The following TRIO variants were observed in gnomAD, a reference collection of about 807,000 sequenced individuals.
TRIO encodes trio Rho guanine nucleotide exchange factor.
A neutral mutation model predicts 351.9 loss-of-function variants in TRIO; 58 were observed. That is an observed-to-expected ratio of 0.16 (90% CI 0.13 to 0.21). TRIO has a LOEUF of 0.21. Ranked by LOEUF, TRIO falls within the 10% of genes least tolerant of loss-of-function variation. The probability of loss-of-function intolerance (pLI) is 1.00; values close to 1 mark genes in which losing one functional copy is unlikely to be tolerated. For synonymous variants in TRIO, 1,758 were observed against 1,595.7 expected (o/e 1.10, Z -2.42); for missense variants, 3,201 against 4,027.8 (o/e 0.79, Z 5.56).
chr5:14,404,723 G>A (rs999660772), intron 31 of TRIO, among the ~76,000 whole-genome samples: 6 of 152,058 alleles, frequency 3.9e-5, no homozygotes, highest in Admixed American at 6.5e-5. Flanking sequence ...ATGTCACTCC[G>A]GAGAAGAGGG....
chr5:14,292,975 C>T (rs1178221842), intron 5 of TRIO, 37 bp from the exon 6 acceptor site: 1 of 1,613,310 alleles, frequency 6.2e-7, no homozygotes, highest in Non-Finnish European at 8.5e-7. Flanking sequence ...ATTTCTCTTT[C>T]TGGAGTGATT....
chr5:14,262,058 A>C (rs1581473577), intron 1 of TRIO, among the ~76,000 whole-genome samples: 1 of 152,124 alleles, frequency 6.6e-6, no homozygotes, highest in African/African-American at 2.4e-5. Context: ...CGTGTTTGCT[A>C]TCTTGAGGTT....
At chr5:14,501,854 G>C (rs1254572982) in intron 53 of TRIO, among the ~76,000 whole-genome samples, 1 of 152,204 alleles carries the variant, frequency 6.6e-6, no homozygotes, top group East Asian at 1.9e-4. Context: ...TGGAGGCCTA[G>C]AATCACAGTG....
intron 1 of TRIO, 91 bp downstream of exon 1, chr5:14,143,973 G>T: frequency 1.1e-6 from 1 of 939,838 alleles, no homozygotes; most frequent in Non-Finnish European, 1.3e-6. Context: ...GCCACCGCGC[G>T]CTGGTGCCCG....
rs147038480 is a variant in TRIO at position 14,236,311 on chromosome 5, C to T, written c.158-34514C>T. Among the ~76,000 whole-genome samples, 304 of 152,242 alleles carry T rather than the reference C, an allele frequency of 2.0e-3. 2 individuals are homozygous for T. The highest frequency in any genetic ancestry group is 4.8e-3 in the Admixed American group (74 of 15,296). On this transcript the variant is annotated intron_variant, in intron 1 of 56. Coordinates refer to ENST00000344204, the MANE Select transcript of TRIO (RefSeq NM_007118.4). ...TAAAAACATTTTATGAAAAAATTGT[C>T]CTGATTATTAAATCTTAAATGTTCC...
intron 46 of TRIO, among the ~76,000 whole-genome samples, chr5:14,483,144 T>A (rs941133506): frequency 6.6e-6 from 1 of 152,210 alleles, no homozygotes; most frequent in Admixed American, 6.5e-5. Context: ...CTTCTCTTCC[T>A]CCACTCACCA....
At chr5:14,464,042 T>G (rs895267384) in intron 36 of TRIO, among the ~76,000 whole-genome samples, 2 of 152,036 alleles carry the variant, frequency 1.3e-5, no homozygotes, top group Non-Finnish European at 2.9e-5. Context: ...TCCTGGAGTT[T>G]TGTGTGCATC....
intron 6 of TRIO, among the ~76,000 whole-genome samples, chr5:14,294,417 A>G (rs1233844986): frequency 6.6e-6 from 1 of 152,258 alleles, no homozygotes; most frequent in Admixed American, 6.5e-5. Context: ...GGGCATAGAT[A>G]AAAATTTGTT....
chr5:14,298,376 G>A (rs966290049), intron 7 of TRIO, among the ~76,000 whole-genome samples: 1 of 152,162 alleles, frequency 6.6e-6, no homozygotes, highest in Non-Finnish European at 1.5e-5. Flanking sequence ...AAGGGCATAG[G>A]AACTTTTAAC....
At chr5:14,263,523 C>T (rs1296931871) in intron 1 of TRIO, among the ~76,000 whole-genome samples, 1 of 152,088 alleles carries the variant, frequency 6.6e-6, no homozygotes, top group African/African-American at 2.4e-5. Context: ...TGTTAAAATT[C>T]GTGAGCAGAT....
At chr5:14,275,767 T>G (rs886977585) in intron 2 of TRIO, among the ~76,000 whole-genome samples, 1 of 151,012 alleles carries the variant, frequency 6.6e-6, no homozygotes, top group Non-Finnish European at 1.5e-5. Flanking sequence ...AATAGAGTTC[T>G]CATTGCTTTT....
chr5:14,236,616 A>G (rs575480813), intron 1 of TRIO, among the ~76,000 whole-genome samples: 1 of 152,318 alleles, frequency 6.6e-6, no homozygotes, highest in Admixed American at 6.5e-5. Flanking sequence ...CTCATTCAAT[A>G]TATATGTTTT....
chr5:14,291,386 T>G (rs1736887397), intron 5 of TRIO, among the ~76,000 whole-genome samples, 158 bp downstream of exon 5: 1 of 152,122 alleles, frequency 6.6e-6, no homozygotes, highest in South Asian at 2.1e-4. Flanking sequence ...CACTGAAATC[T>G]GTTTTCCGGT....
chr5:14,275,934 G>A (rs933720585), intron 2 of TRIO, among the ~76,000 whole-genome samples: 1 of 145,958 alleles, frequency 6.9e-6, no homozygotes, highest in South Asian at 2.1e-4. Flanking sequence ...TTATATATAT[G>A]TGTGTCTATA....
At chr5:14,240,253 T>C (rs1044779737) in intron 1 of TRIO, among the ~76,000 whole-genome samples, 1 of 152,250 alleles carries the variant, frequency 6.6e-6, no homozygotes, top group Non-Finnish European at 1.5e-5. Flanking sequence ...TATTTTAACA[T>C]AAACTATTTC....
At chr5:14,503,440 G>T (rs1318300704) in intron 54 of TRIO, among the ~76,000 whole-genome samples, 1 of 152,252 alleles carries the variant, frequency 6.6e-6, no homozygotes, top group Non-Finnish European at 1.5e-5. Flanking sequence ...TTCTTCCAGT[G>T]CAGTGGGCAG....
In TRIO at chr5:14,389,668, C is replaced by T. The variant is rs528345269; in HGVS notation, c.4058+270C>T. Reference sequence around the variant, plus strand: ...ATAGGAAGCTTAATTTCTCTGAAGCCGAGCCGTCAGGTGCCCTGTGACTTA... The same window carrying T: ...ATAGGAAGCTTAATTTCTCTGAAGCTGAGCCGTCAGGTGCCCTGTGACTTA... On this transcript the variant is annotated intron_variant, in intron 25 of 56. Transcript: ENST00000344204. Among the ~76,000 whole-genome samples the T allele has an allele frequency of 6.6e-5, 10 of 152,178 alleles. No individual in the cohort carries two copies. The South Asian group carries it at 2.1e-3, about 32-fold the overall frequency.
At chr5:14,367,185 T>G (rs1226537481) in intron 16 of TRIO, among the ~76,000 whole-genome samples, 5 of 151,994 alleles carry the variant, frequency 3.3e-5, no homozygotes, top group African/African-American at 1.2e-4. Flanking sequence ...GGTGAGGATC[T>G]GCATCCCAGC....
intron 23 of TRIO, 33 bp from the exon 24 acceptor site, chr5:14,388,580 G>A: frequency 6.3e-7 from 1 of 1,595,400 alleles, no homozygotes; most frequent in South Asian, 1.1e-5. Context: ...GCTGCACCCT[G>A]ACTGTACTCC....
Sources: allele counts gnomAD v4.1 joint callset (sites outside exome capture counted in the v4.1 genomes callset), GRCh38; gene constraint gnomAD v4.1.1; transcripts MANE v1.5; gene names NCBI Gene and HGNC (gene_info 2026-07-23, HGNC 2026-07-21).